POM121: variants seen among roughly 807,000 people sequenced by gnomAD.
POM121 encodes the protein POM121 transmembrane nucleoporin.
POM121 carries 32 observed loss-of-function variants against 81.3 expected under a neutral mutation model. The ratio of observed to expected loss-of-function variants is 0.39; its 90% CI spans 0.30 to 0.53. The LOEUF is 0.53. Ranked by LOEUF, POM121 falls within the 20% of genes least tolerant of loss-of-function variation. The pLI, the probability that POM121 is intolerant of heterozygous loss-of-function variation, is 0.66. For synonymous variants in POM121, 514 were observed against 694.2 expected (o/e 0.74, Z 4.08); for missense variants, 1,138 against 1,614.6 (o/e 0.70, Z 5.06).
intron 3 of POM121, among the ~76,000 whole-genome samples, chr7:72,901,633 A>G (rs1409794384): frequency 1.3e-5 from 2 of 151,072 alleles, no homozygotes; most frequent in African/African-American, 2.4e-5. Context: ...GATTACAGGC[A>G]TGAGCCACTG....
At chr7:72,949,615 A>G (rs1797937161), downstream of POM121, 6 of 665,190 alleles carry the variant, frequency 9.0e-6, 1 homozygote, top group African/African-American at 7.3e-5. Flanking sequence ...GAAACAGCCT[A>G]TATTTAAAGG....
upstream of POM121, among the ~76,000 whole-genome samples, chr7:72,923,000 C>T (rs1425301009): frequency 7.9e-5 from 12 of 151,896 alleles, no homozygotes; most frequent in Non-Finnish European, 1.5e-4. Context: ...TCTGCAGTCA[C>T]TGCCTCCATT....
intron 3 of POM121, among the ~76,000 whole-genome samples, chr7:72,905,989 T>C (rs538325237): frequency 1.3e-5 from 2 of 152,328 alleles, no homozygotes; most frequent in South Asian, 4.1e-4. Context: ...AAAATGTGAT[T>C]CTCTCAGTCA....
chr7:72,945,272 C>T (rs1420599214), intron 11 of POM121, among the ~76,000 whole-genome samples: 2 of 152,092 alleles, frequency 1.3e-5, no homozygotes, highest in Non-Finnish European at 2.9e-5. Context: ...AACCCAGGTA[C>T]GCTAGGAGGC....
intron 3 of POM121, among the ~76,000 whole-genome samples, chr7:72,913,300 G>C (rs1205094662): frequency 2.0e-5 from 3 of 152,232 alleles, no homozygotes; most frequent in Non-Finnish European, 4.4e-5. Flanking sequence ...GTCGGGACAT[G>C]CCGTGTGCCG....
intron 1 of POM121, among the ~76,000 whole-genome samples, chr7:72,890,414 A>T (rs1185917977): frequency 2.6e-5 from 4 of 152,082 alleles, no homozygotes; most frequent in African/African-American, 7.3e-5. Flanking sequence ...TCAGTTGCAA[A>T]ATAGGAGCTC....
At chr7:72,890,480 T>C in intron 1 of POM121, 1 of 1,057,360 alleles carries the variant, frequency 9.5e-7, no homozygotes, top group Non-Finnish European at 1.3e-6. Context: ...AAAGGATATG[T>C]GTTTCCAATA....
chr7:72,943,610 G>A (rs1797361404), intron 11 of POM121, 88 bp downstream of exon 11: 1 of 1,507,786 alleles, frequency 6.6e-7, no homozygotes, highest in African/African-American at 1.4e-5. Flanking sequence ...CTTATGCTGT[G>A]GCAGTGAAGA....
intron 5 of POM121, among the ~76,000 whole-genome samples, chr7:72,933,602 C>T (rs1416329119): frequency 2.6e-5 from 4 of 152,170 alleles, no homozygotes; most frequent in Non-Finnish European, 5.9e-5. Flanking sequence ...GAAACAGGCT[C>T]CTCACGCGTT....
At chr7:72,889,175 C>T (rs1378133460) in intron 1 of POM121, among the ~76,000 whole-genome samples, 2 of 152,152 alleles carry the variant, frequency 1.3e-5, no homozygotes, top group African/African-American at 2.4e-5. Context: ...CTAACTTAAC[C>T]CAGAAAGTTA....
Position 72,928,355 on chromosome 7 carries a change from T to C in POM121, c.1023-30T>C, listed in dbSNP as rs1305606238. Reference sequence around the variant, plus strand: ...TAAAGGGACAAAAAAAGTCATGTCATTTCATTGAGACTTTTTTGATTTGTC... The same window carrying C: ...TAAAGGGACAAAAAAAGTCATGTCACTTCATTGAGACTTTTTTGATTTGTC... On this transcript the variant is annotated intron_variant, in intron 3 of 12. Transcript: ENST00000434423. 3.7e-6 allele frequency: 6 copies of C among 1,613,862 alleles called. No homozygotes were observed. The Admixed American group carries it at 8.3e-5, about 22-fold the overall frequency.
At chr7:72,931,028 T>C (rs1185559223) in intron 5 of POM121, among the ~76,000 whole-genome samples, 1 of 152,094 alleles carries the variant, frequency 6.6e-6, no homozygotes, top group Non-Finnish European at 1.5e-5. Flanking sequence ...GTAAAGCATG[T>C]ATGGAGAAAT....
intron 1 of POM121, among the ~76,000 whole-genome samples, chr7:72,888,420 G>A (rs1460108263): frequency 6.6e-6 from 1 of 152,228 alleles, no homozygotes; most frequent in Non-Finnish European, 1.5e-5. Context: ...ATGTTGACCA[G>A]GCTGGTCTTG....
rs1207900445 is a variant in POM121, at chr7:72,925,651, C to A, written c.530C>A (p.Pro177Gln). ...CGCCCGGCGCCGCGCTCCCCACCGC[C>A]GCGCTCCCCACCGCCGCGCTCCCCC... ...PARPAPRSPP[P>Q]RSPPPRSPPP... The change falls in exon 1 of 13, where the codon CCG (proline) becomes CAG (glutamine). Residue 177 changes from proline to glutamine, a missense_variant. Physicochemically the swap from Pro to Gln is moderately conservative, Grantham distance 76 (BLOSUM62 -1). Around this residue, in one of 7 missense-constraint regions of POM121, gnomAD observed 646 missense variants for 633.5 expected, o/e 1.02. Coordinates refer to ENST00000434423, the MANE Select transcript of POM121 (RefSeq NM_001387691.1). 9.0e-6 allele frequency: 11 copies of A among 1,222,966 alleles called. No homozygotes were observed. Among genetic ancestry groups the A allele is most frequent in the Non-Finnish European group, 1.1e-5 (11 of 982,786 alleles). The allele number at this position is 1,222,966 out of a possible 1,614,324, so 75.8% of individuals were successfully genotyped here.
At chr7:72,913,794 T>A in exon 4 of POM121, 1 of 152,252 alleles carries the variant, frequency 6.6e-6, no homozygotes, top group East Asian at 1.9e-4. Flanking sequence ...AAGATCTCAC[T>A]TCCTCCCAGA....
chr7:72,881,163 C>G (rs1790119688), intron 1 of POM121, among the ~76,000 whole-genome samples: 1 of 150,128 alleles, frequency 6.7e-6, no homozygotes, highest in African/African-American at 2.5e-5. Context: ...CTCCCAGGTT[C>G]AAAGGATTCT....
chr7:72,912,948 G>A (rs1319857465), intron 3 of POM121, among the ~76,000 whole-genome samples: 7 of 152,254 alleles, frequency 4.6e-5, no homozygotes, highest in South Asian at 2.1e-4. Flanking sequence ...AGCACATGAC[G>A]CAGACTCTCC....
chr7:72,949,147 C>G, downstream of POM121: 1 of 1,355,822 alleles, frequency 7.4e-7, no homozygotes, highest in Non-Finnish European at 1.1e-6. Context: ...CAGGCTGCCT[C>G]AGTCCTGAAA....
chr7:72,879,589 G>A, exon 1 of POM121: 1 of 296,628 alleles, frequency 3.4e-6, no homozygotes, highest in Non-Finnish European at 6.6e-6. Context: ...AGAGGGGCCA[G>A]GCGGGAGGTG....
Sources: allele counts gnomAD v4.1 joint callset (sites outside exome capture counted in the v4.1 genomes callset), GRCh38; gene constraint gnomAD v4.1.1; regional missense constraint gnomAD v4.1.1; transcripts MANE v1.5; gene names NCBI Gene and HGNC (gene_info 2026-07-23, HGNC 2026-07-21).